The following MAP3K4 variants were observed in gnomAD, a reference collection of about 807,000 sequenced individuals.
MAP3K4 encodes the protein mitogen-activated protein kinase kinase kinase 4, also known as MAP three kinase 1.
A neutral mutation model predicts 185.6 loss-of-function variants in MAP3K4; 67 were observed. That is an observed-to-expected ratio of 0.36 (90% confidence interval 0.30 to 0.44). MAP3K4 has a LOEUF of 0.44. Among genes scored for constraint, MAP3K4 ranks in the 20% least tolerant of loss-of-function variants. The probability of loss-of-function intolerance (pLI) is 1.00; values close to 1 mark genes in which losing one functional copy is unlikely to be tolerated. For missense variants in MAP3K4, 1,551 were observed against 1,995.1 expected (o/e 0.78, Z 4.24); for synonymous variants, 702 against 710.4 (o/e 0.99, Z 0.19).
chr6:161,043,332 A>G lies in MAP3K4; in HGVS notation c.344-5284A>G, dbSNP rs1251504515. Among the ~76,000 whole-genome samples, 2 of 151,952 alleles carry G rather than the reference A, an allele frequency of 1.3e-5. No individual in the cohort carries two copies. The highest frequency in any genetic ancestry group is 1.9e-4 in the East Asian group (1 of 5,170). On this transcript the variant is annotated intron_variant, in intron 2 of 26. Transcript: ENST00000392142. The surrounding 1 kb of genome is among the most constrained non-coding windows in gnomAD (Gnocchi z 4.3). ...TGCTCTTGCCTTCTTTACTTCCCTTATTTAAGCTTCCATTCTTCGAGGCCC... is the reference window on the plus strand; with the variant it reads ...TGCTCTTGCCTTCTTTACTTCCCTTGTTTAAGCTTCCATTCTTCGAGGCCC...
At position 161,022,824 on chromosome 6, in the gene MAP3K4, A is replaced by G. The variant is rs774768765; in HGVS notation, c.153-11435A>G. Among the ~76,000 whole-genome samples the G allele has an allele frequency of 1.3e-5, 2 of 152,170 alleles. No homozygotes were observed. Among genetic ancestry groups the G allele is most frequent in the Non-Finnish European group, 1.5e-5 (1 of 68,030 alleles). ...AAGGATCCTTCCCTAAAATGGTTCT[A>G]TAAGGTTCTGGTAAAGATGAAATGA... On this transcript the variant is annotated intron_variant, in intron 1 of 26. Coordinates refer to ENST00000392142, the MANE Select transcript of MAP3K4 (RefSeq NM_005922.4). This position sits in a 1 kb window ranked among gnomAD's most constrained non-coding sequence, Gnocchi z 4.2.
chr6:161,046,214 A>T (rs1280690570), intron 2 of MAP3K4, among the ~76,000 whole-genome samples: 1 of 152,158 alleles, frequency 6.6e-6, no homozygotes, highest in East Asian at 1.9e-4. Context: ...AATTATCTTG[A>T]AAAATATAGT....
In MAP3K4 at chr6:161,116,929, C is replaced by CA. The variant is rs1778610740; in HGVS notation, c.*60dup. 1 of 1,488,654 alleles carries CA rather than the reference C, an allele frequency of 6.7e-7. No homozygotes were observed. The highest frequency in any genetic ancestry group is 1.4e-5 in the African/African-American group (1 of 72,372). The allele number at this position is 1,488,654 out of a possible 1,614,324, so 92.2% of individuals were successfully genotyped here. A position where few individuals can be genotyped will look rare whatever the true frequency, so the allele number is the denominator to read the frequency against. On this transcript the variant is annotated 3_prime_UTR_variant, in exon 27 of 27. Transcript: ENST00000392142. This position sits in a 1 kb window ranked among gnomAD's most constrained non-coding sequence, Gnocchi z 6.2. ...TAATCACTACTGTATGTAATATTTA[C>CA]ATAAAGACTGTGCTGAGAAGCAGTA...
intron 3 of MAP3K4, among the ~76,000 whole-genome samples, chr6:161,069,478 G>A (rs563150680): frequency 2.6e-4 from 40 of 152,234 alleles, no homozygotes; most frequent in African/African-American, 6.7e-4. Context: ...AGAGTGTCAC[G>A]TGGAGGCAGG....
chr6:161,116,217 G>A lies in MAP3K4; in HGVS notation c.4807-633G>A, dbSNP rs990823956. On this transcript the variant is annotated intron_variant, in intron 26 of 26. Transcript: ENST00000392142. This position sits in a 1 kb window ranked among gnomAD's most constrained non-coding sequence, Gnocchi z 6.2. ...AAGCAGCTGGGTGAGGGGTGGGTCG[G>A]GAGGTGGTGGGTCCTCTTTGGTGGA... 6.6e-6 allele frequency among the ~76,000 whole-genome samples: 1 copy of A among 152,092 alleles called. No individual in the cohort carries two copies. The highest frequency in any genetic ancestry group is 1.5e-5 in the Non-Finnish European group (1 of 68,014).
chr6:161,028,715 G>A (rs1782786171), intron 1 of MAP3K4, among the ~76,000 whole-genome samples: 1 of 151,764 alleles, frequency 6.6e-6, no homozygotes, highest in Non-Finnish European at 1.5e-5. Context: ...TAAAAAACAA[G>A]TCTAAATGTC....
rs187291887 is a variant in MAP3K4, at chr6:160,999,416, T to G, written c.152+7333T>G. On this transcript the variant is annotated intron_variant, in intron 1 of 26. Coordinates refer to ENST00000392142, the MANE Select transcript of MAP3K4 (RefSeq NM_005922.4). The stretch of plus-strand genomic sequence containing the variant: ...GGTTTTCTCACACAATTTTTGGAGT[T>G]AGTTAGTTGTATCTGTTAAGTATTT... Among the ~76,000 whole-genome samples the G allele has an allele frequency of 2.5e-3, 379 of 152,050 alleles. 1 individual carries two copies. Among genetic ancestry groups the G allele is most frequent in the African/African-American group, 6.8e-3 (282 of 41,346 alleles).
In MAP3K4 at chr6:161,112,780, C is replaced by G; in HGVS notation, c.4626+6C>G. 1 of 1,577,346 alleles carries G rather than the reference C, an allele frequency of 6.3e-7. No homozygotes were observed. On this transcript the variant is annotated splice_donor_region_variant and intron_variant, in intron 25 of 26. Transcript: ENST00000392142. This position sits in a 1 kb window ranked among gnomAD's most constrained non-coding sequence, Gnocchi z 5.1. ...TAGAGATGGTGACTGGCAAGGTAAG[C>G]GGAGCCCCCACACCTGGCGGAGCAA...
intron 1 of MAP3K4, among the ~76,000 whole-genome samples, chr6:161,018,955 C>G (rs975236623): frequency 6.6e-6 from 1 of 152,134 alleles, no homozygotes; most frequent in African/African-American, 2.4e-5. Flanking sequence ...AGAAAAACAT[C>G]AGTGAATTTA....
chr6:161,082,969 G>A lies in MAP3K4; in HGVS notation c.2256-1532G>A, dbSNP rs546039623. Reference sequence around the variant, plus strand: ...ACGTAAGACTGCCTAACAATGGCCCGCAAGGCCTGACATGGTCCTATTTCT... The same window carrying A: ...ACGTAAGACTGCCTAACAATGGCCCACAAGGCCTGACATGGTCCTATTTCT... On this transcript the variant is annotated intron_variant, in intron 6 of 26. Transcript: ENST00000392142. This position sits in a 1 kb window ranked among gnomAD's most constrained non-coding sequence, Gnocchi z 4.2. Among the ~76,000 whole-genome samples, 5 of 152,272 alleles carry A rather than the reference G, an allele frequency of 3.3e-5. No individual in the cohort carries two copies. The highest frequency in any genetic ancestry group is 1.9e-4 in the East Asian group (1 of 5,176).
In MAP3K4 at chr6:161,108,110, G is replaced by A; in HGVS notation, c.4119+141G>A. ...CACTGCGACAGTCAGGACCAACCAG[G>A]CAGATGCACTGAGATAACACACACA... On this transcript the variant is annotated intron_variant, in intron 21 of 26. Coordinates refer to ENST00000392142, the MANE Select transcript of MAP3K4 (RefSeq NM_005922.4). The surrounding 1 kb of genome is among the most constrained non-coding windows in gnomAD (Gnocchi z 5.7). The A allele has an allele frequency of 1.5e-6, 1 of 662,938 alleles. No homozygotes were observed. Among genetic ancestry groups the A allele is most frequent in the East Asian group, 2.7e-5 (1 of 36,578 alleles). 41.1% of individuals were successfully genotyped at this position (662,938 alleles called of 1,614,324 possible). A position where few individuals can be genotyped will look rare whatever the true frequency, so the allele number is the denominator to read the frequency against.
At chr6:161,013,182 CTGTT>C (rs1325866531) in intron 1 of MAP3K4, among the ~76,000 whole-genome samples, 7 of 152,152 alleles carry the variant, frequency 4.6e-5, no homozygotes, top group African/African-American at 1.7e-4. Context: ...TTACTAAAAA[CTGTT>C]TGCTAATTTC....
intron 4 of MAP3K4, among the ~76,000 whole-genome samples, chr6:161,072,104 CT>C (rs1325251227): frequency 6.6e-6 from 1 of 152,124 alleles, no homozygotes; most frequent in African/African-American, 2.4e-5. Flanking sequence ...TTACAAGCAC[CT>C]AAGTGACATC....
At chr6:161,014,049 A>G (rs954432670) in intron 1 of MAP3K4, among the ~76,000 whole-genome samples, 1 of 152,190 alleles carries the variant, frequency 6.6e-6, no homozygotes, top group African/African-American at 2.4e-5. Context: ...TGTAGGTTTT[A>G]TGTATTTTGT....
Position 161,091,686 on chromosome 6 carries a change from A to T in MAP3K4, c.3135+146A>T. 1.4e-6 allele frequency: 1 copy of T among 737,330 alleles called. No individual in the cohort carries two copies. The highest frequency in any genetic ancestry group is 2.2e-6 in the Non-Finnish European group (1 of 455,342). 45.7% of individuals were successfully genotyped at this position (737,330 alleles called of 1,614,324 possible). ...ATCTTATATCACTGCTGTATATCAG[A>T]GATGTTAGTTTACTTTTAAACTGTT... On this transcript the variant is annotated intron_variant, in intron 12 of 26. Transcript: ENST00000392142. The surrounding 1 kb of genome is among the most constrained non-coding windows in gnomAD (Gnocchi z 5.5).
rs1168557126 is a variant in MAP3K4, at chr6:161,026,197, C to G, written c.153-8062C>G. On this transcript the variant is annotated intron_variant, in intron 1 of 26. Coordinates refer to ENST00000392142, the MANE Select transcript of MAP3K4 (RefSeq NM_005922.4). ...CCAGGCTGGAGTGCAGTGGCGCGAT[C>G]TCGGCTCACTGCAAGCTCTGCCTCC... Among the ~76,000 whole-genome samples, 7 of 151,908 alleles carry G rather than the reference C, an allele frequency of 4.6e-5. No individual in the cohort carries two copies. In the East Asian group the frequency reaches 5.8e-4, roughly 13 times the overall value.
At position 161,070,995 on chromosome 6, in the gene MAP3K4, AT is replaced by A; in HGVS notation, c.1950+149del. Reference sequence around the variant, plus strand: ...GTTTGTCCATGGTTTTAAGCTGTATATTTTAGGGTAATTAAAAATGTTCTTT... The same window carrying A: ...GTTTGTCCATGGTTTTAAGCTGTATATTTAGGGTAATTAAAAATGTTCTTT... On this transcript the variant is annotated intron_variant, in intron 4 of 26. Coordinates refer to ENST00000392142, the MANE Select transcript of MAP3K4 (RefSeq NM_005922.4). This position sits in a 1 kb window ranked among gnomAD's most constrained non-coding sequence, Gnocchi z 4.5. The A allele has an allele frequency of 3.9e-6, 3 of 778,406 alleles. No homozygotes were observed. The highest frequency in any genetic ancestry group is 5.7e-6 in the Non-Finnish European group (3 of 521,858). 48.2% of individuals were successfully genotyped at this position (778,406 alleles called of 1,614,324 possible). A position where few individuals can be genotyped will look rare whatever the true frequency, so the allele number is the denominator to read the frequency against.
At chr6:161,041,715 C>T (rs536053824) in intron 2 of MAP3K4, among the ~76,000 whole-genome samples, 1 of 152,266 alleles carries the variant, frequency 6.6e-6, no homozygotes, top group Admixed American at 6.5e-5. Context: ...ACAGCTTGTG[C>T]AGGGCTTTAA....
In MAP3K4 at chr6:160,991,782, C is replaced by T; in HGVS notation, c.-150C>T. 3 of 883,690 alleles carry T rather than the reference C, an allele frequency of 3.4e-6. No homozygotes were observed. The South Asian group carries it at 7.7e-5, about 23-fold the overall frequency. The allele number at this position is 883,690 out of a possible 1,614,324, so 54.7% of individuals were successfully genotyped here. A position where few individuals can be genotyped will look rare whatever the true frequency, so the allele number is the denominator to read the frequency against. On this transcript the variant is annotated 5_prime_UTR_variant, in exon 1 of 27. Coordinates refer to ENST00000392142, the MANE Select transcript of MAP3K4 (RefSeq NM_005922.4). This position sits in a 1 kb window ranked among gnomAD's most constrained non-coding sequence, Gnocchi z 5.7. Reference sequence around the variant, plus strand: ...CGTAGCCCCGGCGCTCGGCCGGTCGCCGTTTCCAAGATGGCCGCGGCGCGC... The same window carrying T: ...CGTAGCCCCGGCGCTCGGCCGGTCGTCGTTTCCAAGATGGCCGCGGCGCGC...
Sources: allele counts gnomAD v4.1 joint callset (sites outside exome capture counted in the v4.1 genomes callset), GRCh38; gene constraint gnomAD v4.1.1; non-coding constraint Gnocchi (gnomAD v3.1); transcripts MANE v1.5; gene names NCBI Gene and HGNC (gene_info 2026-07-23, HGNC 2026-07-21).